The following ARHGEF4 variants were observed in gnomAD, a reference collection of about 807,000 sequenced individuals.
ARHGEF4 encodes the protein APC-stimulated guanine nucleotide exchange factor 1.
Under a neutral mutation model 162.0 loss-of-function variants are expected in ARHGEF4, and 119 were observed. The observed-to-expected ratio is 0.73, with a 90% CI of 0.63 to 0.86. ARHGEF4 has a LOEUF of 0.86. Ranked by LOEUF, ARHGEF4 falls within the 40% of genes least tolerant of loss-of-function variation. ARHGEF4 has a pLI of 0.00. For synonymous variants in ARHGEF4, 1,014 were observed against 979.9 expected, an observed-to-expected ratio of 1.03 and a Z score of -0.65; for missense variants, 2,488 against 2,456.0, an observed-to-expected ratio of 1.01 and a Z score of -0.28.
chr2:131,026,510 A>G (rs1334173103), intron 4 of ARHGEF4, among the ~76,000 whole-genome samples: 1 of 152,226 alleles, frequency 6.6e-6, no homozygotes, highest in East Asian at 1.9e-4. Flanking sequence ...ATGTGTGTGT[A>G]TACATACATA....
intron 4 of ARHGEF4, among the ~76,000 whole-genome samples, chr2:130,999,184 A>C (rs1216164896): frequency 7.3e-6 from 1 of 136,464 alleles, no homozygotes; most frequent in African/African-American, 2.8e-5. Context: ...TTTGAGACGG[A>C]GTCTCGCTCT....
In ARHGEF4 at chr2:130,916,791, C is replaced by T; in HGVS notation, c.2845C>T (p.Gln949Ter). 6.4e-7 allele frequency: 1 copy of T among 1,550,524 alleles called. No individual in the cohort carries two copies. The highest frequency in any genetic ancestry group is 8.7e-7 in the Non-Finnish European group (1 of 1,147,014). ...CGAGAAGGAGAAGAGCAGGCTGCGC[C>T]AGGGTTCCTGGCGGGCGTTTCTGAA... is the stretch of plus-strand genomic sequence containing the variant. ...KGEKEKSRLRQGSWRAFLKSK... is the reference protein window; with the variant it reads ...KGEKEKSRLR Residue 949 changes from glutamine to a stop codon, truncating the protein, a stop_gained, in exon 2 of 14, where the codon CAG becomes TAG. Transcript: ENST00000409359. LOFTEE classifies it high-confidence loss of function.
chr2:130,920,806 A>G (rs770274685), intron 2 of ARHGEF4, among the ~76,000 whole-genome samples: 5 of 152,248 alleles, frequency 3.3e-5, no homozygotes, highest in Non-Finnish European at 7.3e-5. Flanking sequence ...TATGTAACAT[A>G]GCTGTGATAA....
intron 4 of ARHGEF4, among the ~76,000 whole-genome samples, chr2:131,001,286 G>A (rs1396465481): frequency 1.6e-5 from 2 of 122,606 alleles, no homozygotes; most frequent in Non-Finnish European, 3.2e-5. Flanking sequence ...CTGGGCGACA[G>A]AGTGAGACTG....
At chr2:130,903,966 G>C (rs908978354) in intron 1 of ARHGEF4, among the ~76,000 whole-genome samples, 3 of 152,172 alleles carry the variant, frequency 2.0e-5, no homozygotes, top group African/African-American at 7.2e-5. Context: ...TTGCTATTGT[G>C]AATAGCACTA....
Position 130,856,257 on chromosome 2 carries a change from C to T in ARHGEF4, c.39+19265C>T, listed in dbSNP as rs568016303. 2.6e-5 allele frequency among the ~76,000 whole-genome samples: 4 copies of T among 152,140 alleles called. No homozygotes were observed. The South Asian group carries it at 8.3e-4, about 32-fold the overall frequency. ...AGAGGGGCTGAACAGTAGATTTGAG[C>T]TGGTAGAAGAATCCATGAACTTAAT... On this transcript the variant is annotated intron_variant, in intron 1 of 13. Transcript: ENST00000409359.
chr2:131,043,490 C>T lies in ARHGEF4; in HGVS notation c.5064C>T (p.Tyr1688=). Residue 1688 remains tyrosine (Y), a synonymous_variant, in exon 11 of 14, where the codon TAC becomes TAT. Transcript: ENST00000409359. ...DLLVRSSELI[Y]SGELTRVTQP... is the part of the protein sequence containing the mutation. ...TGGTCAGGAGCTCAGAACTCATCTA[C>T]TCGGGGGAGCTGACTCGAGTTACAC... The T allele has an allele frequency of 6.2e-7, 1 of 1,614,064 alleles. No homozygotes were observed. Among genetic ancestry groups the T allele is most frequent in the South Asian group, 1.1e-5 (1 of 91,084 alleles).
At chr2:131,029,338 A>G (rs1689685808) in intron 5 of ARHGEF4, among the ~76,000 whole-genome samples, 1 of 152,150 alleles carries the variant, frequency 6.6e-6, no homozygotes, top group Non-Finnish European at 1.5e-5. Context: ...CAGCCTGGGC[A>G]ACAGAGTGAA....
Position 130,985,779 on chromosome 2 carries a change from T to TA in ARHGEF4, c.3985+39145dup, listed in dbSNP as rs1446489951. Among the ~76,000 whole-genome samples the TA allele has an allele frequency of 2.0e-5, 3 of 151,960 alleles. No homozygotes were observed. The East Asian group carries it at 5.8e-4, about 29-fold the overall frequency. Reference sequence around the variant, plus strand: ...TGTTGTGTGTGTTTTGCATGCATGATATGTGTTTTGTGTTGTGTGTGCATG... The same window carrying TA: ...TGTTGTGTGTGTTTTGCATGCATGATAATGTGTTTTGTGTTGTGTGTGCATG... On this transcript the variant is annotated intron_variant, in intron 4 of 13. Coordinates refer to ENST00000409359, the MANE Select transcript of ARHGEF4 (RefSeq NM_001367493.1).
At position 130,881,396 on chromosome 2, in the gene ARHGEF4, AG is replaced by A. The variant is rs142151560; in HGVS notation, c.40-32587del. ...CAGGATGTTGAAATTGCCAAGGTTT[AG>A]GGTAAGATTAGTGTTGGGGGAGAGA... On this transcript the variant is annotated intron_variant, in intron 1 of 13. Coordinates refer to ENST00000409359, the MANE Select transcript of ARHGEF4 (RefSeq NM_001367493.1). 3.9e-3 allele frequency among the ~76,000 whole-genome samples: 599 copies of A among 152,328 alleles called. 1 individual carries two copies. Among genetic ancestry groups the A allele is most frequent in the African/African-American group, 0.013 (534 of 41,560 alleles).
intron 12 of ARHGEF4, 101 bp from the exon 13 acceptor site, chr2:131,045,268 T>G (rs989379171): frequency 4.4e-6 from 5 of 1,145,840 alleles, no homozygotes; most frequent in Middle Eastern, 5.9e-4. Flanking sequence ...GAGTCCCCAG[T>G]ACATGATGAG....
chr2:130,977,542 T>C (rs1185078702), intron 4 of ARHGEF4, among the ~76,000 whole-genome samples: 1 of 151,678 alleles, frequency 6.6e-6, no homozygotes, highest in Non-Finnish European at 1.5e-5. Flanking sequence ...ACATTGTGTG[T>C]ATGTTCTGGG....
intron 1 of ARHGEF4, among the ~76,000 whole-genome samples, chr2:130,892,332 C>A (rs1271204135): frequency 6.6e-6 from 1 of 152,148 alleles, no homozygotes; most frequent in Non-Finnish European, 1.5e-5. Context: ...GGGTGTCCTG[C>A]AGTTTAACTC....
intron 4 of ARHGEF4, among the ~76,000 whole-genome samples, chr2:130,974,294 A>G (rs1479699677): frequency 2.0e-5 from 3 of 151,956 alleles, no homozygotes; most frequent in South Asian, 2.1e-4. Flanking sequence ...AAAGATAGAA[A>G]CATGGGCTAT....
At chr2:131,035,192 T>G (rs1690159723) in intron 5 of ARHGEF4, 1 of 1,222,240 alleles carries the variant, frequency 8.2e-7, no homozygotes, top group Non-Finnish European at 1.0e-6. Context: ...CAGCGCGTGG[T>G]GGTCTCCGCC....
At chr2:130,971,396 C>T (rs1685356720) in intron 4 of ARHGEF4, among the ~76,000 whole-genome samples, 1 of 152,296 alleles carries the variant, frequency 6.6e-6, no homozygotes, top group African/African-American at 2.4e-5. Flanking sequence ...TGCAGTGGCT[C>T]ACGCCTGTAA....
Position 130,915,420 on chromosome 2 carries a change from C to T in ARHGEF4, c.1474C>T (p.Leu492Phe), listed in dbSNP as rs909316643. Residue 492 changes from leucine (L) to phenylalanine (F), a missense_variant, in exon 2 of 14, where the codon CTC becomes TTC. By Grantham distance (22) the Leu-to-Phe change is conservative. This residue lies in a region of ARHGEF4 where 1,642 missense variants were observed against 1,481.5 expected (regional missense o/e 1.11). Coordinates refer to ENST00000409359, the MANE Select transcript of ARHGEF4 (RefSeq NM_001367493.1). ...AADERETQKH[L>F]WGISVQAGNQ... ...TGATGAGAGAGAGACACAGAAGCAC[C>T]TCTGGGGCATTTCTGTCCAGGCAGG... The T allele has an allele frequency of 4.5e-6, 7 of 1,550,496 alleles. No individual in the cohort carries two copies. Among genetic ancestry groups the T allele is most frequent in the Non-Finnish European group, 6.1e-6 (7 of 1,147,028 alleles).
At chr2:130,927,263 C>G (rs1016192091) in intron 2 of ARHGEF4, among the ~76,000 whole-genome samples, 1 of 152,066 alleles carries the variant, frequency 6.6e-6, no homozygotes, top group African/African-American at 2.4e-5. Context: ...CAGGCCTTCT[C>G]CTGCATTACC....
Position 131,041,803 on chromosome 2 carries a change from G to C in ARHGEF4, c.4896-12G>C. ...CAGCCTGCAGCAGCCTTCCATCTCT[G>C]TTCTGCCCCAGGGACTTCAAGGATG... On this transcript the variant is annotated splice_polypyrimidine_tract_variant and intron_variant, in intron 9 of 13. Transcript: ENST00000409359. 6.2e-7 allele frequency: 1 copy of C among 1,612,268 alleles called. No individual in the cohort carries two copies. The highest frequency in any genetic ancestry group is 1.1e-5 in the South Asian group (1 of 90,970).
Sources: gnomAD v4.1 joint callset for allele counts (sites outside exome capture counted in the v4.1 genomes callset) on GRCh38, gnomAD v4.1.1 for gene constraint, gnomAD v4.1.1 regional missense constraint, MANE v1.5 for transcripts, NCBI Gene and HGNC (gene_info 2026-07-23, HGNC 2026-07-21) for gene names.